Variants in PATJ observed in about 807,000 individuals in gnomAD.
PATJ encodes the protein inaD-like protein.
A neutral mutation model predicts 224.9 loss-of-function variants in PATJ; 190 were observed. The ratio of observed to expected loss-of-function variants is 0.84; its 90% CI spans 0.75 to 0.95. The LOEUF is 0.95. PATJ is among the 40% of genes least tolerant of loss of function. The probability of loss-of-function intolerance (pLI) is 0.00; values close to 1 mark genes in which losing one functional copy is unlikely to be tolerated. For missense variants in PATJ, 2,121 were observed against 2,270.3 expected (o/e 0.93, Z 1.34); for synonymous variants, 769 against 820.3 (o/e 0.94, Z 1.07).
At position 61,823,290 on chromosome 1, in the gene PATJ, C is replaced by A. The variant is rs533386356; in HGVS notation, c.1818+211C>A. On this transcript the variant is annotated intron_variant, in intron 15 of 43. Coordinates refer to ENST00000642238, the MANE Select transcript of PATJ (RefSeq NM_001350145.3). ...CCATCTTTGAGGCTCCTGAGATGTT[C>A]TTTATTTAAATGAATGACTAGGAAA... 3.3e-4 allele frequency among the ~76,000 whole-genome samples: 50 copies of A among 152,250 alleles called. No homozygotes were observed. The South Asian group carries it at 9.4e-3, about 28-fold the overall frequency.
intron 27 of PATJ, among the ~76,000 whole-genome samples, chr1:61,958,091 G>A (rs1027095203): frequency 6.6e-6 from 1 of 152,132 alleles, no homozygotes; most frequent in Non-Finnish European, 1.5e-5. Context: ...GTATTTCTGT[G>A]TATGTTGGTA....
intron 31 of PATJ, among the ~76,000 whole-genome samples, chr1:62,067,044 C>A (rs868553383): frequency 6.6e-6 from 1 of 152,002 alleles, no homozygotes; most frequent in African/African-American, 2.4e-5. Context: ...AGCCATATGA[C>A]CCCTGAGCAG....
chr1:61,864,489 C>G lies in PATJ; in HGVS notation c.2691C>G (p.Ala897=). ...ELYPLSHIQE[A]TPVPSVNELH... is the part of the protein sequence containing the mutation. ...ATCCCTTGTCGCACATTCAAGAGGC[C>G]ACTCCTGTGCCCTCTGTGAATGAAC... The change falls in exon 20 of 44, where the codon GCC becomes GCG. Residue 897 remains alanine, a synonymous_variant. Transcript: ENST00000642238. 6.2e-7 allele frequency: 1 copy of G among 1,614,070 alleles called. No homozygotes were observed. Among genetic ancestry groups the G allele is most frequent in the Non-Finnish European group, 8.5e-7 (1 of 1,179,952 alleles).
chr1:62,140,454 ACCGG>A (rs1266353417), intron 41 of PATJ, among the ~76,000 whole-genome samples: 1 of 152,092 alleles, frequency 6.6e-6, no homozygotes, highest in Admixed American at 6.5e-5. Flanking sequence ...GGAGTTTGAG[ACCGG>A]CCTGGCCAAC....
chr1:61,763,473 A>G (rs1168377522), intron 3 of PATJ, among the ~76,000 whole-genome samples: 1 of 151,388 alleles, frequency 6.6e-6, no homozygotes, highest in East Asian at 2.0e-4. Context: ...TCCAGGTTGC[A>G]GTGAGCTATG....
intron 21 of PATJ, among the ~76,000 whole-genome samples, chr1:61,875,981 A>G (rs1000345206): frequency 1.3e-5 from 2 of 152,160 alleles, no homozygotes; most frequent in South Asian, 4.1e-4. Context: ...ATCCCTAGGG[A>G]GATTGTTAAA....
At chr1:62,156,455 G>C (rs1317740891) in intron 43 of PATJ, among the ~76,000 whole-genome samples, 1 of 151,800 alleles carries the variant, frequency 6.6e-6, no homozygotes, top group Non-Finnish European at 1.5e-5. Flanking sequence ...ACTTGAACCT[G>C]GGAGGCGGGG....
chr1:61,919,318 C>CTT (rs71050182), intron 26 of PATJ, among the ~76,000 whole-genome samples: 58 of 146,664 alleles, frequency 4.0e-4, no homozygotes, highest in Admixed American at 7.5e-4. Flanking sequence ...CTTTCTTTTT[C>CTT]TTTTTTTTTT....
Position 61,914,771 on chromosome 1 carries a change from T to G in PATJ, c.3570+107T>G, listed in dbSNP as rs11207863. 4.3e-3 allele frequency: 2,504 copies of G among 576,752 alleles called. 51 individuals are homozygous for G. The highest frequency in any genetic ancestry group is 0.043 in the African/African-American group (2,295 of 52,892). The allele number at this position is 576,752 out of a possible 1,614,324, so 35.7% of individuals were successfully genotyped here. Reference sequence around the variant, plus strand: ...GTGGCTTTTTGATGAGTGTCAGTGTTGTAGGAGCACTATATTTATAATTTT... The same window carrying G: ...GTGGCTTTTTGATGAGTGTCAGTGTGGTAGGAGCACTATATTTATAATTTT... On this transcript the variant is annotated intron_variant, in intron 26 of 43. Transcript: ENST00000642238.
At position 62,128,888 on chromosome 1, in the gene PATJ, G is replaced by A. The variant is rs1211856300; in HGVS notation, c.5214G>A (p.Leu1738=). Reference sequence around the variant, plus strand: ...TTAACGGGCAACCTTTGGATGGGCTGTCTCACGCGGATGTGGTTAATCTGC... The same window carrying A: ...TTAACGGGCAACCTTTGGATGGGCTATCTCACGCGGATGTGGTTAATCTGC... ...VSINGQPLDG[L]SHADVVNLLK... is the part of the protein sequence containing the mutation. Residue 1738 remains leucine, a synonymous_variant, in exon 41 of 44, where the codon CTG becomes CTA. Transcript: ENST00000642238. 1 of 1,613,678 alleles carries A rather than the reference G, an allele frequency of 6.2e-7. No individual in the cohort carries two copies. The highest frequency in any genetic ancestry group is 8.5e-7 in the Non-Finnish European group (1 of 1,179,646).
At chr1:61,862,942 T>A (rs1392580913) in intron 19 of PATJ, among the ~76,000 whole-genome samples, 1 of 151,512 alleles carries the variant, frequency 6.6e-6, no homozygotes, top group African/African-American at 2.4e-5. Flanking sequence ...GCCGACATTT[T>A]AAAAATTTCA....
At chr1:61,933,411 G>C (rs544003289) in intron 27 of PATJ, among the ~76,000 whole-genome samples, 1 of 151,808 alleles carries the variant, frequency 6.6e-6, no homozygotes, top group Non-Finnish European at 1.5e-5. Flanking sequence ...GTAGTGGCGG[G>C]CTCCTTGTAA....
intron 18 of PATJ, among the ~76,000 whole-genome samples, chr1:61,859,876 T>A (rs1328810818): frequency 2.0e-5 from 3 of 152,122 alleles, no homozygotes; most frequent in Admixed American, 2.0e-4. Context: ...CGCCTCGGCC[T>A]CCCAAAGTGC....
chr1:62,139,643 C>T (rs1401228258), intron 41 of PATJ, among the ~76,000 whole-genome samples: 2 of 152,242 alleles, frequency 1.3e-5, no homozygotes, highest in East Asian at 3.9e-4. Flanking sequence ...TTTCACAAGT[C>T]AAAGCCCCAG....
At chr1:61,842,079 G>A (rs1661184981) in intron 17 of PATJ, among the ~76,000 whole-genome samples, 1 of 152,132 alleles carries the variant, frequency 6.6e-6, no homozygotes, top group South Asian at 2.1e-4. Flanking sequence ...TGAATGAAGG[G>A]AGCCCACTCC....
At chr1:61,894,946 GATGAGGAATTT>G (rs146369534) in intron 22 of PATJ, among the ~76,000 whole-genome samples, 44,951 of 151,950 alleles carry the variant, frequency 0.3, 8,555 homozygotes, top group Non-Finnish European at 0.43. Flanking sequence ...CTCAGATGGA[GATGAGGAATTT>G]ATTGGGAAGT....
chr1:61,971,919 G>T (rs995376116), intron 27 of PATJ, among the ~76,000 whole-genome samples: 1 of 150,526 alleles, frequency 6.6e-6, no homozygotes, highest in Non-Finnish European at 1.5e-5. Context: ...AACACGGGAG[G>T]TTGAGGCTGC....
intron 39 of PATJ, among the ~76,000 whole-genome samples, chr1:62,123,828 AT>A (rs778407896): frequency 8.8e-5 from 13 of 147,704 alleles, no homozygotes; most frequent in Admixed American, 6.9e-5. Flanking sequence ...CAATTAGCAT[AT>A]TTCTCAATTT....
At chr1:62,003,946 G>A (rs1052775914) in intron 28 of PATJ, among the ~76,000 whole-genome samples, 1 of 152,156 alleles carries the variant, frequency 6.6e-6, no homozygotes, top group Non-Finnish European at 1.5e-5. Flanking sequence ...GGTTCCTACA[G>A]AGAGACCTTG....
Sources: gnomAD v4.1 joint callset for allele counts (sites outside exome capture counted in the v4.1 genomes callset) on GRCh38, gnomAD v4.1.1 for gene constraint, MANE v1.5 for transcripts, NCBI Gene and HGNC (gene_info 2026-07-23, HGNC 2026-07-21) for gene names.